Variants in UNC13C observed in about 807,000 individuals in gnomAD.
The protein encoded by UNC13C is unc-13 homolog C.
A neutral mutation model predicts 245.4 loss-of-function variants in UNC13C; 174 were observed. That is an observed-to-expected ratio of 0.71 (90% CI 0.63 to 0.80). UNC13C has a LOEUF of 0.80. UNC13C is among the 30% of genes least tolerant of loss of function. UNC13C has a pLI of 0.00. For synonymous variants in UNC13C, 992 were observed against 895.1 expected, an observed-to-expected ratio of 1.11 and a Z score of -1.93; for missense variants, 2,829 against 2,602.9, an observed-to-expected ratio of 1.09 and a Z score of -1.89.
intron 2 of UNC13C, among the ~76,000 whole-genome samples, chr15:54,127,618 A>C (rs2031133296): frequency 6.6e-6 from 1 of 151,666 alleles, no homozygotes. Context: ...TGACGGGTTA[A>C]TGGGTACAGC....
At chr15:54,282,597 G>T (rs1421329913) in intron 10 of UNC13C, among the ~76,000 whole-genome samples, 1 of 152,138 alleles carries the variant, frequency 6.6e-6, no homozygotes, top group East Asian at 1.9e-4. Context: ...CATGGATGGT[G>T]GTGTGTTAGC....
the UNC13C span, among the ~76,000 whole-genome samples, chr15:53,931,394 C>G: frequency 1.0e-3 from 156 of 152,224 alleles, no homozygotes; most frequent in African/African-American, 3.5e-3. Context: ...ATCTCAAACT[C>G]CTGACCTCAA....
intron 12 of UNC13C, among the ~76,000 whole-genome samples, chr15:54,298,642 T>A (rs2037497691): frequency 6.6e-6 from 1 of 152,148 alleles, no homozygotes; most frequent in African/African-American, 2.4e-5. Flanking sequence ...AAGCACAGTT[T>A]CACCAGTTCC....
rs1896176777 is a variant in UNC13C at position 54,540,113 on chromosome 15, T to C, written c.5697-6609T>C. On this transcript the variant is annotated intron_variant, in intron 26 of 32. Transcript: ENST00000260323. The stretch of plus-strand genomic sequence containing the variant: ...AGGGGAGATGCTTAAAAGCCAGATA[T>C]TGATTCTGTTTTCAAGGAGCTAATA... Among the ~76,000 whole-genome samples the C allele has an allele frequency of 2.0e-5, 3 of 152,142 alleles. No homozygotes were observed. The South Asian group carries it at 6.2e-4, about 32-fold the overall frequency.
chr15:54,161,577 C>T (rs9788712), intron 4 of UNC13C, among the ~76,000 whole-genome samples: 41,202 of 151,908 alleles, frequency 0.27, 5,712 homozygotes, highest in South Asian at 0.36. Flanking sequence ...TCTATAAGTT[C>T]AGAGTTGTTC....
At chr15:54,307,846 G>A (rs765983241) in intron 13 of UNC13C, among the ~76,000 whole-genome samples, 4 of 151,906 alleles carry the variant, frequency 2.6e-5, no homozygotes, top group African/African-American at 9.7e-5. Context: ...AAACAGAAGT[G>A]ACATTTAAGT....
intron 23 of UNC13C, among the ~76,000 whole-genome samples, chr15:54,507,788 C>G (rs1894537781): frequency 6.6e-6 from 1 of 150,926 alleles, no homozygotes; most frequent in African/African-American, 2.4e-5. Flanking sequence ...CTTTCTTATT[C>G]AATCTGTAAT....
At chr15:54,262,072 A>G (rs2036441311) in intron 8 of UNC13C, among the ~76,000 whole-genome samples, 2 of 152,196 alleles carry the variant, frequency 1.3e-5, no homozygotes, top group Non-Finnish European at 2.9e-5. Context: ...TAATAACAAG[A>G]GGCAGTCGTT....
chr15:54,411,522 G>A (rs967236859), intron 18 of UNC13C, among the ~76,000 whole-genome samples: 2 of 152,002 alleles, frequency 1.3e-5, no homozygotes, highest in Non-Finnish European at 2.9e-5. Context: ...TTAATTTGTT[G>A]CAAGGTATGA....
At chr15:54,302,007 T>A (rs2037597499) in intron 13 of UNC13C, among the ~76,000 whole-genome samples, 1 of 152,180 alleles carries the variant, frequency 6.6e-6, no homozygotes, top group Non-Finnish European at 1.5e-5. Flanking sequence ...GGTATGTGAT[T>A]GTGGTTTTGA....
chr15:54,529,198 A>G (rs1895623808), intron 25 of UNC13C, among the ~76,000 whole-genome samples: 2 of 152,232 alleles, frequency 1.3e-5, no homozygotes, highest in South Asian at 4.1e-4. Flanking sequence ...GGAGCCAAAA[A>G]TGGAGACAGA....
chr15:54,443,144 G>C (rs1890623051), intron 19 of UNC13C, among the ~76,000 whole-genome samples: 1 of 152,048 alleles, frequency 6.6e-6, no homozygotes, highest in Non-Finnish European at 1.5e-5. Context: ...ATCCTGGAAG[G>C]TTATATGTGC....
At chr15:54,528,792 C>T (rs541361761) in intron 25 of UNC13C, among the ~76,000 whole-genome samples, 28 of 152,256 alleles carry the variant, frequency 1.8e-4, no homozygotes, top group Non-Finnish European at 2.8e-4. Context: ...TGGATGACCC[C>T]GTGGTAAATC....
intron 30 of UNC13C, among the ~76,000 whole-genome samples, chr15:54,583,225 C>A (rs1465025228): frequency 6.6e-6 from 1 of 152,168 alleles, no homozygotes; most frequent in African/African-American, 2.4e-5. Context: ...TAGGCAGTTT[C>A]TTTAGCAATA....
intron 17 of UNC13C, among the ~76,000 whole-genome samples, chr15:54,362,801 T>C (rs2039265611): frequency 6.6e-6 from 1 of 152,064 alleles, no homozygotes; most frequent in Non-Finnish European, 1.5e-5. Context: ...GAAAATGCTC[T>C]GAGAGAAAAA....
rs75523183 is a variant in UNC13C, at chr15:54,527,577, C to T, written c.5546+1940C>T. ...AGGTGGAATATTCAGGTTATAAAGG[C>T]TAGAATATGTTTTCTGATTCGAAAG... On this transcript the variant is annotated intron_variant, in intron 25 of 32. Coordinates refer to ENST00000260323, the MANE Select transcript of UNC13C (RefSeq NM_001080534.3). 3.3e-5 allele frequency among the ~76,000 whole-genome samples: 5 copies of T among 152,126 alleles called. No individual in the cohort carries two copies. The East Asian group carries it at 9.7e-4, about 29-fold the overall frequency.
At chr15:53,980,946 G>A (rs901248810) in intron 1 of UNC13C, among the ~76,000 whole-genome samples, 1 of 152,106 alleles carries the variant, frequency 6.6e-6, no homozygotes, top group Admixed American at 6.6e-5. Context: ...ATGGGTCATT[G>A]GAAACACAGG....
chr15:54,454,351 C>T (rs891112532), intron 19 of UNC13C, among the ~76,000 whole-genome samples: 14 of 151,932 alleles, frequency 9.2e-5, no homozygotes, highest in African/African-American at 3.4e-4. Context: ...CCAAAGCAGG[C>T]AGATGACCTG....
chr15:54,118,219 A>G (rs942929113), intron 2 of UNC13C, among the ~76,000 whole-genome samples: 1 of 152,014 alleles, frequency 6.6e-6, no homozygotes, highest in Non-Finnish European at 1.5e-5. Context: ...CATAGTGAGT[A>G]TATTTAATCT....
Sources: allele counts gnomAD v4.1 joint callset (sites outside exome capture counted in the v4.1 genomes callset), GRCh38; gene constraint gnomAD v4.1.1; transcripts MANE v1.5; gene names NCBI Gene and HGNC (gene_info 2026-07-23, HGNC 2026-07-21).